Variants in DNAH14 observed in about 807,000 individuals in gnomAD.
The protein encoded by DNAH14 is dynein axonemal heavy chain 14.
DNAH14 carries 478 observed loss-of-function variants against 520.9 expected under a neutral mutation model. The ratio of observed to expected loss-of-function variants is 0.92; its 90% CI spans 0.85 to 0.99. The LOEUF (loss-of-function observed/expected upper bound fraction) is 0.99. Among genes scored for constraint, DNAH14 ranks in the 50% least tolerant of loss-of-function variants. DNAH14 has a pLI of 0.00. For missense variants in DNAH14, 4,831 were observed against 5,234.5 expected (o/e 0.92, Z 2.38); for synonymous variants, 1,581 against 1,757.2 (o/e 0.90, Z 2.51).
chr1:225,000,770 TTC>T (rs1258618505), intron 8 of DNAH14, among the ~76,000 whole-genome samples: 1 of 150,218 alleles, frequency 6.7e-6, no homozygotes, highest in East Asian at 1.9e-4. Flanking sequence ...GTCTGCTTCA[TTC>T]TGTCATTGAG....
At chr1:225,067,014 A>C (rs1457060200) in intron 17 of DNAH14, among the ~76,000 whole-genome samples, 1 of 152,130 alleles carries the variant, frequency 6.6e-6, no homozygotes, top group African/African-American at 2.4e-5. Context: ...CAGAATGTGC[A>C]GGTTTGTTAC....
At chr1:225,265,478 G>T in intron 48 of DNAH14, 109 bp downstream of exon 48, 1 of 919,368 alleles carries the variant, frequency 1.1e-6, no homozygotes, top group South Asian at 2.2e-5. Context: ...ACACATTTTT[G>T]AACATCATAG....
rs2076992363 is a variant in DNAH14 at position 225,117,953 on chromosome 1, G to A, written c.4045G>A (p.Val1349Ile). ...GAAACAAGACATTGGCCCTCCTGCT[G>A]TAAAAATGCTAATATCTGCTGAAGG... The part of the protein sequence containing the change: ...IWKQDIGPPA[V>I]KMLISAEGEG... Residue 1349 changes from valine (V) to isoleucine (I), a missense_variant, in exon 25 of 86, where the codon GTA (valine) becomes ATA (isoleucine). By Grantham distance (29) the Val-to-Ile change is conservative (BLOSUM62 3). Transcript: ENST00000682510. 1 of 1,551,380 alleles carries A rather than the reference G, an allele frequency of 6.4e-7. No individual in the cohort carries two copies.
At chr1:225,314,809 G>C (rs957246231) in intron 60 of DNAH14, among the ~76,000 whole-genome samples, 3 of 152,212 alleles carry the variant, frequency 2.0e-5, no homozygotes, top group Non-Finnish European at 4.4e-5. Flanking sequence ...GAGATCCACT[G>C]TTAGTCTGAT....
chr1:225,304,851 C>G (rs2094208771), intron 57 of DNAH14, 57 bp from the exon 58 acceptor site: 3 of 1,386,050 alleles, frequency 2.2e-6, no homozygotes, highest in Admixed American at 6.3e-5. Flanking sequence ...TCAACTTTCT[C>G]TTTTTATGTA....
intron 66 of DNAH14, among the ~76,000 whole-genome samples, chr1:225,335,992 C>CAT (rs1490014458): frequency 6.7e-5 from 9 of 133,580 alleles, no homozygotes; most frequent in African/African-American, 2.4e-4. Flanking sequence ...TATATACACA[C>CAT]ATATGCATAT....
intron 27 of DNAH14, among the ~76,000 whole-genome samples, chr1:225,133,960 T>C (rs1330977240): frequency 6.6e-6 from 1 of 152,148 alleles, no homozygotes; most frequent in African/African-American, 2.4e-5. Context: ...TAGCTGTAAT[T>C]CCTAGGTATT....
chr1:224,982,321 C>A (rs1019726558), intron 8 of DNAH14, among the ~76,000 whole-genome samples: 2 of 152,204 alleles, frequency 1.3e-5, no homozygotes, highest in Non-Finnish European at 2.9e-5. Flanking sequence ...CTCAGCTGGA[C>A]TGGCAAAGCA....
chr1:224,994,374 A>G (rs77727427), intron 8 of DNAH14, among the ~76,000 whole-genome samples: 8,376 of 152,064 alleles, frequency 0.055, 471 homozygotes, highest in East Asian at 0.24. Context: ...GGGTGTGTAT[A>G]TAGTTATGAC....
chr1:225,284,952 GC>G (rs1344632958), intron 54 of DNAH14, among the ~76,000 whole-genome samples: 1 of 151,936 alleles, frequency 6.6e-6, no homozygotes, highest in Admixed American at 6.6e-5. Flanking sequence ...TTTACTCTCA[GC>G]AAAAAGGAAA....
rs2094126572 is a variant in DNAH14 at position 225,300,891 on chromosome 1, A to G, written c.8492A>G (p.Asn2831Ser). ...AAGGACTCATTTTTAGAAGATTTGA[A>G]CTACATCATCAGTTCAGGAAGAATA... is the stretch of plus-strand genomic sequence containing the variant. ...IEQDSFLEDL[N>S]YIISSGRIPD... The change falls in exon 56 of 86, where the codon AAC becomes AGC. Residue 2831 changes from asparagine (N) to serine (S), a missense_variant. Coordinates refer to ENST00000682510, the MANE Select transcript of DNAH14 (RefSeq NM_001367479.1). The G allele has an allele frequency of 2.6e-6, 4 of 1,550,490 alleles. No individual in the cohort carries two copies. Among genetic ancestry groups the G allele is most frequent in the Non-Finnish European group, 3.5e-6 (4 of 1,146,744 alleles).
chr1:224,988,768 C>T (rs1015798146), intron 8 of DNAH14, among the ~76,000 whole-genome samples: 3 of 152,212 alleles, frequency 2.0e-5, no homozygotes, highest in Non-Finnish European at 4.4e-5. Flanking sequence ...ACCTCAGCTT[C>T]CCAAGTAGCT....
chr1:225,117,412 T>C (rs2076946083), intron 23 of DNAH14, among the ~76,000 whole-genome samples: 2 of 151,356 alleles, frequency 1.3e-5, no homozygotes, highest in African/African-American at 4.8e-5. Context: ...AATGACAAAC[T>C]AGAATAAAAT....
chr1:225,335,624 TATATACATATGTGCATATATGTATATAC>T (rs2094968302), intron 66 of DNAH14, among the ~76,000 whole-genome samples: 1 of 141,018 alleles, frequency 7.1e-6, no homozygotes, highest in African/African-American at 2.8e-5. Flanking sequence ...TATATACGCA[TATATACATATGTGCATATATGTATATAC>T]GCATATATAC....
At chr1:225,290,643 GTGTGTA>G (rs1308848970) in intron 55 of DNAH14, among the ~76,000 whole-genome samples, 258 of 51,092 alleles carry the variant, frequency 5.0e-3, no homozygotes, top group East Asian at 0.012. Context: ...GTGTGTGTGT[GTGTGTA>G]TATATATATA....
intron 54 of DNAH14, among the ~76,000 whole-genome samples, chr1:225,284,425 A>G (rs1215835295): frequency 6.6e-6 from 1 of 152,178 alleles, no homozygotes; most frequent in Non-Finnish European, 1.5e-5. Context: ...CTAGAAATAT[A>G]TAAATTACTG....
chr1:225,388,837 C>T (rs2095871567), intron 82 of DNAH14, among the ~76,000 whole-genome samples: 1 of 152,018 alleles, frequency 6.6e-6, no homozygotes, highest in African/African-American at 2.4e-5. Flanking sequence ...AGTGCAGTGG[C>T]ACGATCTCTG....
At chr1:224,956,957 G>A (rs1235703851) in intron 3 of DNAH14, among the ~76,000 whole-genome samples, 2 of 152,118 alleles carry the variant, frequency 1.3e-5, no homozygotes, top group Non-Finnish European at 2.9e-5. Context: ...CAAGTGTTGG[G>A]TAAAGCAAGG....
intron 55 of DNAH14, among the ~76,000 whole-genome samples, chr1:225,294,760 G>T (rs188631811): frequency 6.6e-6 from 1 of 151,732 alleles, no homozygotes; most frequent in Admixed American, 6.6e-5. Context: ...GGAGACAGAG[G>T]TTGCCATGAG....
Sources: gnomAD v4.1 joint callset for allele counts (sites outside exome capture counted in the v4.1 genomes callset) on GRCh38, gnomAD v4.1.1 for gene constraint, MANE v1.5 for transcripts, NCBI Gene and HGNC (gene_info 2026-07-23, HGNC 2026-07-21) for gene names.